SLC26A4: variants seen among roughly 807,000 people sequenced by gnomAD.
SLC26A4 encodes pendrin.
SLC26A4 carries 93 observed loss-of-function variants against 90.4 expected under a neutral mutation model. The ratio of observed to expected loss-of-function variants is 1.03; its 90% CI spans 0.87 to 1.22. SLC26A4 has a LOEUF of 1.22. SLC26A4 is among the 50% of genes most tolerant of loss of function. SLC26A4 has a pLI of 0.00. For missense variants in SLC26A4, 1,127 were observed against 946.2 expected (o/e 1.19, Z -2.51); for synonymous variants, 393 against 354.6 (o/e 1.11, Z -1.22).
At chr7:107,703,564 A>G (rs114236002) in intron 17 of SLC26A4, among the ~76,000 whole-genome samples, 2,181 of 152,326 alleles carry the variant, frequency 0.014, 41 homozygotes, top group African/African-American at 0.05. Flanking sequence ...GATCCATTGT[A>G]GACTATATTG....
At chr7:107,708,145 T>C (rs572632105) in intron 18 of SLC26A4, among the ~76,000 whole-genome samples, 5 of 152,314 alleles carry the variant, frequency 3.3e-5, no homozygotes, top group South Asian at 4.1e-4. Flanking sequence ...CTTCCATCAG[T>C]GTACTTTAAT....
intron 20 of SLC26A4, among the ~76,000 whole-genome samples, chr7:107,714,548 C>A (rs757060977): frequency 1.3e-5 from 2 of 152,064 alleles, no homozygotes; most frequent in Non-Finnish European, 2.9e-5. Flanking sequence ...ATATAGGGTG[C>A]CTTAGTTTGA....
chr7:107,685,830 T>C (rs1791381419), intron 8 of SLC26A4, among the ~76,000 whole-genome samples: 1 of 152,192 alleles, frequency 6.6e-6, no homozygotes, highest in African/African-American at 2.4e-5. Context: ...CCCAGGCTTC[T>C]CTTTTACCTC....
At position 107,694,603 on chromosome 7, in the gene SLC26A4, C is replaced by G; in HGVS notation, c.1342-18C>G. 1 of 1,595,590 alleles carries G rather than the reference C, an allele frequency of 6.3e-7. No homozygotes were observed. Among genetic ancestry groups the G allele is most frequent in the Non-Finnish European group, 8.6e-7 (1 of 1,163,212 alleles). On this transcript the variant is annotated intron_variant, in intron 11 of 20. Transcript: ENST00000644269. ...ACCATTCCCTGAATAACACAGCCTTCTCTGTCTCTCTTGGCAGTCGGTCTT... is the reference window on the plus strand; with the variant it reads ...ACCATTCCCTGAATAACACAGCCTTGTCTGTCTCTCTTGGCAGTCGGTCTT...
chr7:107,677,409 G>A (rs2129312575), intron 6 of SLC26A4, among the ~76,000 whole-genome samples: 1 of 152,144 alleles, frequency 6.6e-6, no homozygotes. Context: ...AAGGCACTTA[G>A]CACAATATCT....
chr7:107,683,069 T>G (rs1791289077), intron 6 of SLC26A4, 133 bp from the exon 7 acceptor site: 6 of 682,522 alleles, frequency 8.8e-6, no homozygotes, highest in Non-Finnish European at 1.5e-5. Context: ...AACTTTTGAG[T>G]GTTGTTTGAT....
chr7:107,705,357 C>CT (rs1487198672), intron 18 of SLC26A4, among the ~76,000 whole-genome samples: 1 of 152,074 alleles, frequency 6.6e-6, no homozygotes, highest in Non-Finnish European at 1.5e-5. Flanking sequence ...TGACAGGTGG[C>CT]TTTTTGGAAA....
At chr7:107,681,954 A>T (rs946207018) in intron 6 of SLC26A4, among the ~76,000 whole-genome samples, 12 of 151,776 alleles carry the variant, frequency 7.9e-5, no homozygotes, top group African/African-American at 2.7e-4. Flanking sequence ...CTCTACAAAA[A>T]ATAAAATAGC....
Position 107,683,276 on chromosome 7 carries a change from C to G in SLC26A4, c.840C>G (p.Val280=). Residue 280 remains valine, a synonymous_variant, in exon 7 of 21, where the codon GTC becomes GTG. Transcript: ENST00000644269. ...ADFTAGLLTI[V]VCMAVKELND... The stretch of plus-strand genomic sequence containing the variant: ...TCACTGCTGGATTGCTCACCATTGT[C>G]GTCTGTATGGCAGTTAAGGAATTAA... The G allele has an allele frequency of 6.2e-7, 1 of 1,613,082 alleles. No homozygotes were observed. The highest frequency in any genetic ancestry group is 8.5e-7 in the Non-Finnish European group (1 of 1,179,412).
chr7:107,675,595 A>G (rs1249684516), intron 6 of SLC26A4, among the ~76,000 whole-genome samples: 6 of 135,468 alleles, frequency 4.4e-5, no homozygotes, highest in Admixed American at 3.8e-4. Context: ...TTTTTTTGAG[A>G]CAGAGTCTTA....
At chr7:107,709,458 G>T (rs930001085) in intron 18 of SLC26A4, among the ~76,000 whole-genome samples, 3 of 152,156 alleles carry the variant, frequency 2.0e-5, no homozygotes, top group Non-Finnish European at 4.4e-5. Flanking sequence ...TTTTTATAAA[G>T]ATGGGGTTTC....
intron 6 of SLC26A4, among the ~76,000 whole-genome samples, chr7:107,677,211 C>CA (rs1302606749): frequency 1.3e-5 from 2 of 151,936 alleles, no homozygotes; most frequent in Non-Finnish European, 2.9e-5. Context: ...AACAAAAAAC[C>CA]AAAAACAAAC....
At chr7:107,681,372 C>T (rs1791225092) in intron 6 of SLC26A4, among the ~76,000 whole-genome samples, 1 of 151,950 alleles carries the variant, frequency 6.6e-6, no homozygotes, top group African/African-American at 2.4e-5. Flanking sequence ...CAAAGTGACT[C>T]CTAGATTACT....
chr7:107,683,434 A>T lies in SLC26A4; in HGVS notation c.919-21A>T, dbSNP rs372350037. ...ATTATTAAAACCAATGGAGTTTTTA[A>T]CATCTTTTGTTTTATTTCAGACGAT... On this transcript the variant is annotated intron_variant, in intron 7 of 20. Transcript: ENST00000644269. 1.2e-6 allele frequency: 2 copies of T among 1,612,854 alleles called. 1 individual carries two copies. Among genetic ancestry groups the T allele is most frequent in the South Asian group, 2.2e-5 (2 of 91,058 alleles).
rs1790544714 is a variant in SLC26A4, at chr7:107,661,396, C to T, written c.-3-243C>T. On this transcript the variant is annotated intron_variant, in intron 1 of 20. Transcript: ENST00000644269. This position sits in a 1 kb window ranked among gnomAD's most constrained non-coding sequence, Gnocchi z 5.1. ...TTACTCGCTTCAAGTTTGGGGAACC[C>T]CGGGCAGCGGGTGCAGGCCACGAGA... is the stretch of plus-strand genomic sequence containing the variant. The T allele has an allele frequency of 5.1e-6, 3 of 590,680 alleles. No individual in the cohort carries two copies. The East Asian group carries it at 8.5e-5, about 17-fold the overall frequency. The allele number at this position is 590,680 out of a possible 1,614,324, so 36.6% of individuals were successfully genotyped here.
chr7:107,701,886 T>A lies in SLC26A4; in HGVS notation c.1863T>A (p.Ile621=). ...TNNAFEPDED[I]EDLEELDIPT... ...ATGCTTTTGAGCCTGATGAGGATAT[T>A]GAAGATCTGGAGGAACTTGATATCC... Residue 621 remains isoleucine (I), a synonymous_variant, in exon 17 of 21, where the codon ATT becomes ATA. Transcript: ENST00000644269. 6.2e-7 allele frequency: 1 copy of A among 1,613,442 alleles called. No homozygotes were observed. The highest frequency in any genetic ancestry group is 1.1e-5 in the South Asian group (1 of 91,060).
chr7:107,706,701 T>G (rs1364159779), intron 18 of SLC26A4, among the ~76,000 whole-genome samples: 1 of 152,194 alleles, frequency 6.6e-6, no homozygotes, highest in Non-Finnish European at 1.5e-5. Context: ...TTCAAAGCCT[T>G]GATAATATAA....
chr7:107,694,306 G>A (rs949034661), intron 10 of SLC26A4, 97 bp from the exon 11 acceptor site: 10 of 865,518 alleles, frequency 1.2e-5, no homozygotes, highest in Middle Eastern at 2.9e-4. Context: ...AGTATGAAGT[G>A]TGTCTGTGAA....
intron 2 of SLC26A4, among the ~76,000 whole-genome samples, chr7:107,662,589 T>C (rs1453539003): frequency 1.3e-5 from 2 of 152,156 alleles, no homozygotes; most frequent in East Asian, 3.8e-4. Flanking sequence ...ACTGTCTTTA[T>C]GTATTTTACT....
Sources: gnomAD v4.1 joint callset for allele counts (sites outside exome capture counted in the v4.1 genomes callset) on GRCh38, gnomAD v4.1.1 for gene constraint, Gnocchi (gnomAD v3.1) non-coding constraint, MANE v1.5 for transcripts, NCBI Gene and HGNC (gene_info 2026-07-23, HGNC 2026-07-21) for gene names.